KRABD3: variants seen among roughly 807,000 people sequenced by gnomAD.
The protein encoded by KRABD3 is KRAB domain containing 3, also known as KRAB domain-containing protein 3.
the KRABD3 span, among the ~76,000 whole-genome samples, chr7:149,732,769 A>C: frequency 3.3e-5 from 5 of 152,034 alleles, no homozygotes; most frequent in African/African-American, 9.7e-5. This position sits in a 1 kb window ranked among gnomAD's most constrained non-coding sequence, Gnocchi z 4.0. Context: ...AAAAATGCGC[A>C]GAAGGCCCTT....
the KRABD3 span, chr7:149,721,055 C>T: frequency 6.4e-7 from 1 of 1,558,754 alleles, no homozygotes; most frequent in South Asian, 1.2e-5. Flanking sequence ...AGCACAAGTC[C>T]ACGGCACTGC....
the KRABD3 span, chr7:149,715,232 TC>T: frequency 8.2e-7 from 1 of 1,216,878 alleles, no homozygotes; most frequent in Non-Finnish European, 1.0e-6. Flanking sequence ...GGACAACCTC[TC>T]TCCAGCTCTC....
the KRABD3 span, chr7:149,729,055 A>G: frequency 1.3e-5 from 9 of 691,272 alleles, no homozygotes; most frequent in East Asian, 3.1e-5. Flanking sequence ...AACATGACAG[A>G]TGGGTGTTTC....
At chr7:149,722,900 TG>T in the KRABD3 span, 2 of 1,613,374 alleles carry the variant, frequency 1.2e-6, no homozygotes, top group African/African-American at 2.7e-5. Context: ...CTCCCTAGCC[TG>T]GGCACGTCCA....
the KRABD3 span, chr7:149,720,243 C>T: frequency 1.7e-6 from 2 of 1,162,294 alleles, no homozygotes; most frequent in Non-Finnish European, 1.2e-6. Flanking sequence ...TCCCCTACTG[C>T]AACCTCCCAA....
the KRABD3 span, among the ~76,000 whole-genome samples, chr7:149,732,607 G>C: frequency 6.8e-6 from 1 of 147,458 alleles, no homozygotes. The surrounding 1 kb of genome is among the most constrained non-coding windows in gnomAD (Gnocchi z 4.0). Flanking sequence ...AGGATTAGGT[G>C]ATCTTTTTTT....
At chr7:149,718,706 G>A in the KRABD3 span, among the ~76,000 whole-genome samples, 33,720 of 151,758 alleles carry the variant, frequency 0.22, 5,534 homozygotes, top group African/African-American at 0.47. Context: ...GTAGAGACAA[G>A]GTTTCACCAT....
the KRABD3 span, chr7:149,719,614 G>C: frequency 6.2e-7 from 1 of 1,608,278 alleles, no homozygotes; most frequent in South Asian, 1.1e-5. This position sits in a 1 kb window ranked among gnomAD's most constrained non-coding sequence, Gnocchi z 5.6. Flanking sequence ...TGGAGGAGGG[G>C]CAGAGGGAGT....
At chr7:149,731,917 T>C in the KRABD3 span, 1 of 610,278 alleles carries the variant, frequency 1.6e-6, no homozygotes, top group Non-Finnish European at 3.0e-6. Context: ...GCATATTTCC[T>C]TTCAGTGTTT....
the KRABD3 span, chr7:149,722,243 A>G: frequency 2.9e-6 from 1 of 341,066 alleles, no homozygotes; most frequent in Non-Finnish European, 4.1e-6. Context: ...GTTCACAGTG[A>G]ACCAACAGTC....
chr7:149,719,839 T>A, the KRABD3 span, among the ~76,000 whole-genome samples: 21 of 152,186 alleles, frequency 1.4e-4, no homozygotes, highest in South Asian at 4.4e-3. This position sits in a 1 kb window ranked among gnomAD's most constrained non-coding sequence, Gnocchi z 5.6. Flanking sequence ...TAGGTACAAT[T>A]CGGTGGGGGT....
At chr7:149,721,551 C>T in the KRABD3 span, 1 of 1,608,722 alleles carries the variant, frequency 6.2e-7, no homozygotes, top group East Asian at 2.2e-5. Context: ...TCTGACACAG[C>T]AGGGACAGGG....
At chr7:149,721,361 T>C in the KRABD3 span, 2 of 1,567,924 alleles carry the variant, frequency 1.3e-6, no homozygotes, top group Admixed American at 1.9e-5. Context: ...AGTTGTTGAT[T>C]CTCCCTCTTT....
chr7:149,719,887 CTTTGAG>C, the KRABD3 span: 1 of 1,303,004 alleles, frequency 7.7e-7, no homozygotes, highest in African/African-American at 1.5e-5. This position sits in a 1 kb window ranked among gnomAD's most constrained non-coding sequence, Gnocchi z 5.6. Context: ...CTCTGCGGTT[CTTTGAG>C]TTTAAGTGGT....
At chr7:149,733,652 C>G in the KRABD3 span, 1 of 1,588,830 alleles carries the variant, frequency 6.3e-7, no homozygotes, top group Middle Eastern at 1.7e-4. Flanking sequence ...GGCTGGTGAC[C>G]TGCAAGGACT....
the KRABD3 span, chr7:149,719,509 A>T: frequency 1.3e-6 from 2 of 1,529,786 alleles, no homozygotes; most frequent in Non-Finnish European, 1.8e-6. This position sits in a 1 kb window ranked among gnomAD's most constrained non-coding sequence, Gnocchi z 5.6. Flanking sequence ...CCCCTCTGGG[A>T]TGGAACAACC....
At chr7:149,725,574 C>G in the KRABD3 span, 51 of 1,336,554 alleles carry the variant, frequency 3.8e-5, no homozygotes, top group East Asian at 1.2e-3. Flanking sequence ...TCATTGTGTT[C>G]CCCGGCCTCC....
the KRABD3 span, among the ~76,000 whole-genome samples, chr7:149,732,156 C>T: frequency 2.6e-5 from 4 of 152,272 alleles, no homozygotes; most frequent in East Asian, 7.7e-4. The surrounding 1 kb of genome is among the most constrained non-coding windows in gnomAD (Gnocchi z 4.0). Context: ...CACCTAGTGC[C>T]CTGGGTCACT....
chr7:149,730,992 A>G, the KRABD3 span, among the ~76,000 whole-genome samples: 1 of 152,210 alleles, frequency 6.6e-6, no homozygotes, highest in Non-Finnish European at 1.5e-5. Flanking sequence ...CTATTGCCCC[A>G]GGCCACCTTG....
Sources: allele counts gnomAD v4.1 joint callset (sites outside exome capture counted in the v4.1 genomes callset), GRCh38; gene constraint gnomAD v4.1.1; non-coding constraint Gnocchi (gnomAD v3.1); transcripts MANE v1.5; gene names NCBI Gene and HGNC (gene_info 2026-07-23, HGNC 2026-07-21).